The following KAZN variants were observed in gnomAD, a reference collection of about 807,000 sequenced individuals.
KAZN encodes the protein kazrin.
KAZN carries 40 observed loss-of-function variants against 87.4 expected under a neutral mutation model. That is an observed-to-expected ratio of 0.46 (90% confidence interval 0.36 to 0.60). The LOEUF (loss-of-function observed/expected upper bound fraction) is 0.60, where lower values mean the gene tolerates loss of function less well. Among genes scored for constraint, KAZN ranks in the 20% least tolerant of loss-of-function variants. The pLI, the probability that KAZN is intolerant of heterozygous loss-of-function variation, is 0.00. For synonymous variants in KAZN, 466 were observed against 458.3 expected (o/e 1.02, Z -0.22); for missense variants, 898 against 1,073.9 (o/e 0.84, Z 2.29).
intron 1 of KAZN, among the ~76,000 whole-genome samples, chr1:14,178,663 G>A (rs947673383): frequency 7.2e-5 from 11 of 152,078 alleles, no homozygotes; most frequent in African/African-American, 2.4e-4. Flanking sequence ...TGTTATTTCT[G>A]GGTTTGTTTC....
chr1:14,468,734 G>A (rs575883078), intron 2 of KAZN, among the ~76,000 whole-genome samples: 1 of 152,218 alleles, frequency 6.6e-6, no homozygotes, highest in Non-Finnish European at 1.5e-5. Flanking sequence ...TTACTGGAAA[G>A]TTATTTCACC....
chr1:14,896,464 G>C (rs1655289724), intron 1 of KAZN, among the ~76,000 whole-genome samples: 1 of 152,222 alleles, frequency 6.6e-6, no homozygotes, highest in South Asian at 2.1e-4. Flanking sequence ...CCCTTCAGGA[G>C]ATGTGTGTGT....
At chr1:14,993,322 A>G (rs1407355205) in intron 2 of KAZN, among the ~76,000 whole-genome samples, 2 of 151,808 alleles carry the variant, frequency 1.3e-5, no homozygotes, top group African/African-American at 4.8e-5. Context: ...ACAAAAAATT[A>G]GCCGGGCGTG....
intron 1 of KAZN, among the ~76,000 whole-genome samples, chr1:13,981,397 A>C (rs77289004): frequency 6.6e-6 from 1 of 151,412 alleles, no homozygotes; most frequent in Non-Finnish European, 1.5e-5. Flanking sequence ...TATTACAGTG[A>C]GCTGGCCTTA....
At chr1:14,916,129 T>A (rs2101438490) in intron 1 of KAZN, among the ~76,000 whole-genome samples, 1 of 151,694 alleles carries the variant, frequency 6.6e-6, no homozygotes, top group Non-Finnish European at 1.5e-5. Flanking sequence ...ATGTAAATGT[T>A]TGCCATTATT....
At chr1:14,194,998 G>A (rs1047811233) in intron 2 of KAZN, among the ~76,000 whole-genome samples, 6 of 152,164 alleles carry the variant, frequency 3.9e-5, no homozygotes, top group African/African-American at 1.4e-4. Context: ...CATTTTCAAG[G>A]AGGCACAATT....
At position 14,010,082 on chromosome 1, in the gene KAZN, T is replaced by C. The variant is rs554095825; in HGVS notation, c.91+116326T>C. Among the ~76,000 whole-genome samples the C allele has an allele frequency of 1.4e-4, 22 of 152,364 alleles. 1 individual carries two copies. In the South Asian group the frequency reaches 4.4e-3, roughly 30 times the overall value. ...GTTGCCATATCAGTATCATCTGTGC[T>C]ATTATCTAAATAATACTAATTAAAA... On this transcript the variant is annotated intron_variant, in intron 1 of 16. Transcript: ENST00000636203.
chr1:14,026,938 G>A (rs763549820), intron 1 of KAZN, among the ~76,000 whole-genome samples: 2 of 152,102 alleles, frequency 1.3e-5, no homozygotes, highest in African/African-American at 4.8e-5. Context: ...ACTTGAAACA[G>A]GGCTGGAGGA....
At chr1:14,155,117 A>T (rs1645564783) in intron 1 of KAZN, among the ~76,000 whole-genome samples, 1 of 152,086 alleles carries the variant, frequency 6.6e-6, no homozygotes, top group African/African-American at 2.4e-5. Context: ...ATTGCTATTA[A>T]TTCTTTAAAT....
At chr1:14,957,560 C>T (rs1462824762) in intron 1 of KAZN, among the ~76,000 whole-genome samples, 2 of 152,208 alleles carry the variant, frequency 1.3e-5, no homozygotes, top group Non-Finnish European at 2.9e-5. Flanking sequence ...CACGTCACTA[C>T]GGGGTTTTGT....
In KAZN at chr1:15,056,133, C is replaced by A. The variant is rs569722853; in HGVS notation, c.769C>A (p.Arg257=). The A allele has an allele frequency of 1.2e-6, 2 of 1,613,902 alleles. No homozygotes were observed. Among genetic ancestry groups the A allele is most frequent in the African/African-American group, 2.7e-5 (2 of 75,064 alleles). The change falls in exon 5 of 15, where the codon CGG becomes AGG. Residue 257 remains arginine, a synonymous_variant. Transcript: ENST00000376030. The surrounding 1 kb of genome is among the most constrained non-coding windows in gnomAD (Gnocchi z 5.4). ...LATLTKDVPK[R]HSLAMPGETV... is the part of the protein sequence containing the mutation. The stretch of plus-strand genomic sequence containing the variant: ...TACGCTGACCAAGGACGTCCCCAAG[C>A]GGCATTCCCTCGCCATGCCGGGCGA...
At chr1:15,054,945 G>T (rs1482131122) in intron 4 of KAZN, among the ~76,000 whole-genome samples, 1 of 152,264 alleles carries the variant, frequency 6.6e-6, no homozygotes, top group Non-Finnish European at 1.5e-5. Context: ...GGATCTGCCT[G>T]TCCCCAGCCT....
At chr1:13,962,816 C>T (rs1337910541) in intron 1 of KAZN, among the ~76,000 whole-genome samples, 1 of 152,182 alleles carries the variant, frequency 6.6e-6, no homozygotes, top group African/African-American at 2.4e-5. Flanking sequence ...CCTTGGCCTC[C>T]CAAAGTGCTG....
intron 1 of KAZN, among the ~76,000 whole-genome samples, chr1:14,051,715 A>G (rs550434258): frequency 6.8e-4 from 103 of 152,164 alleles, no homozygotes; most frequent in African/African-American, 2.4e-3. Context: ...TGGCATGCAC[A>G]TGTAGTCCCA....
chr1:14,696,759 G>A (rs1641623883), intron 1 of KAZN, among the ~76,000 whole-genome samples: 1 of 152,170 alleles, frequency 6.6e-6, no homozygotes, highest in Non-Finnish European at 1.5e-5. Context: ...TCTCTAACAA[G>A]CTCCCAGCGA....
At chr1:14,631,463 G>T (rs1218146727) in intron 1 of KAZN, among the ~76,000 whole-genome samples, 2 of 152,210 alleles carry the variant, frequency 1.3e-5, no homozygotes, top group Non-Finnish European at 2.9e-5. Flanking sequence ...CCTCAGAAAG[G>T]TGGCACAGGT....
At chr1:14,576,671 G>C (rs1274819178) in intron 2 of KAZN, among the ~76,000 whole-genome samples, 2 of 152,158 alleles carry the variant, frequency 1.3e-5, no homozygotes, top group Admixed American at 6.5e-5. Context: ...GCCATTGAAC[G>C]CTAAAGATTT....
At position 14,329,091 on chromosome 1, in the gene KAZN, C is replaced by T. The variant is rs557656525; in HGVS notation, c.249+148499C>T. Among the ~76,000 whole-genome samples the T allele has an allele frequency of 8.5e-5, 13 of 152,260 alleles. No homozygotes were observed. The South Asian group carries it at 1.9e-3, about 22-fold the overall frequency. Reference sequence around the variant, plus strand: ...TACCAGTTTCAGATGGAGTTAGATCCAGGTGCTGGAACAATGTTGTCAGAA... The same window carrying T: ...TACCAGTTTCAGATGGAGTTAGATCTAGGTGCTGGAACAATGTTGTCAGAA... On this transcript the variant is annotated intron_variant, in intron 2 of 16. Transcript: ENST00000636203.
At chr1:14,266,163 C>T (rs190216212) in intron 2 of KAZN, among the ~76,000 whole-genome samples, 1 of 152,204 alleles carries the variant, frequency 6.6e-6, no homozygotes, top group Non-Finnish European at 1.5e-5. Flanking sequence ...ATTGTTATAA[C>T]TCTATGTGTC....
Sources: gnomAD v4.1 joint callset for allele counts (sites outside exome capture counted in the v4.1 genomes callset) on GRCh38, gnomAD v4.1.1 for gene constraint, Gnocchi (gnomAD v3.1) non-coding constraint, MANE v1.5 for transcripts, NCBI Gene and HGNC (gene_info 2026-07-23, HGNC 2026-07-21) for gene names.